The following CA1 variants were observed in gnomAD, a reference collection of about 807,000 sequenced individuals.
CA1 encodes the protein carbonic anhydrase 1.
Under a neutral mutation model 28.8 loss-of-function variants are expected in CA1, and 27 were observed. The observed-to-expected ratio is 0.94, with a 90% confidence interval of 0.69 to 1.29. The LOEUF is 1.29. Among genes scored for constraint, CA1 ranks in the 50% most tolerant of loss-of-function variants. CA1 has a pLI of 0.00. For synonymous variants in CA1, 121 were observed against 108.8 expected, an observed-to-expected ratio of 1.11 and a Z score of -0.70; for missense variants, 335 against 310.5, an observed-to-expected ratio of 1.08 and a Z score of -0.59.
intron 1 of CA1, among the ~76,000 whole-genome samples, chr8:85,344,173 GTATATAATATATAATTA>G (rs1228736462): frequency 6.5e-5 from 7 of 108,392 alleles, no homozygotes; most frequent in African/African-American, 2.9e-4. Context: ...ATTATATACT[GTATATAATATATAATTA>G]TATATTATAC....
At chr8:85,334,219 A>C (rs1353585789) in intron 4 of CA1, among the ~76,000 whole-genome samples, 1 of 152,230 alleles carries the variant, frequency 6.6e-6, no homozygotes, top group African/African-American at 2.4e-5. Context: ...ATAGAACTCT[A>C]GATTTCCTTC....
At chr8:85,337,185 A>C (rs1191489250) in intron 3 of CA1, 122 bp from the exon 4 acceptor site, 1 of 729,826 alleles carries the variant, frequency 1.4e-6, no homozygotes, top group African/African-American at 1.7e-5. Flanking sequence ...TTAGTGCCTA[A>C]ACTTTCATCT....
chr8:85,358,091 C>T (rs552131712), intron 1 of CA1, among the ~76,000 whole-genome samples: 1 of 152,232 alleles, frequency 6.6e-6, no homozygotes, highest in South Asian at 2.1e-4. Context: ...CAGCAAATCA[C>T]CCAAAATTGT....
intron 1 of CA1, chr8:85,343,176 T>C (rs1357954511): frequency 1.3e-5 from 2 of 152,130 alleles, no homozygotes; most frequent in Non-Finnish European, 2.9e-5. Flanking sequence ...GAGGATCTCT[T>C]GCACCTAGGA....
intron 1 of CA1, among the ~76,000 whole-genome samples, chr8:85,344,241 TAATTA>T (rs1809064576): frequency 1.0e-5 from 1 of 96,556 alleles, no homozygotes; most frequent in African/African-American, 6.6e-5. Flanking sequence ...ATATAATATA[TAATTA>T]TATATTATAT....
At chr8:85,344,215 TTATATTA>T (rs1352264596) in intron 1 of CA1, among the ~76,000 whole-genome samples, 1 of 64,006 alleles carries the variant, frequency 1.6e-5, no homozygotes, top group Non-Finnish European at 2.7e-5. Context: ...TATAATATAA[TTATATTA>T]TATACAGTAT....
At chr8:85,333,699 A>G (rs1808511003) in intron 4 of CA1, 79 bp from the exon 5 acceptor site, 16 of 903,216 alleles carry the variant, frequency 1.8e-5, no homozygotes, top group South Asian at 1.2e-4. Context: ...ACTTGTTACC[A>G]TATGATGATG....
chr8:85,376,691 AAATAAATAAATAAAT>A (rs1312560017), intron 1 of CA1, among the ~76,000 whole-genome samples: 1 of 150,766 alleles, frequency 6.6e-6, no homozygotes, highest in African/African-American at 2.4e-5. Context: ...ATAAATAAAT[AAATAAATAAATAAAT>A]AAAACTAGGT....
chr8:85,351,207 G>A (rs527859158), intron 1 of CA1, among the ~76,000 whole-genome samples: 5 of 152,226 alleles, frequency 3.3e-5, no homozygotes, highest in South Asian at 4.1e-4. Context: ...TTCCAAGGGA[G>A]CATTGACTGT....
intron 2 of CA1, 54 bp from the exon 3 acceptor site, chr8:85,338,503 G>T: frequency 7.4e-7 from 1 of 1,348,408 alleles, no homozygotes; most frequent in Non-Finnish European, 1.1e-6. Flanking sequence ...TTGATTCCAA[G>T]TTTTAGGAGT....
chr8:85,356,197 A>G (rs1809601011), intron 1 of CA1, among the ~76,000 whole-genome samples: 1 of 152,196 alleles, frequency 6.6e-6, no homozygotes, highest in Admixed American at 6.5e-5. Flanking sequence ...TGCCTTCTAC[A>G]CACAGCTTTT....
At chr8:85,341,968 G>A in intron 1 of CA1, 1 of 191,702 alleles carries the variant, frequency 5.2e-6, no homozygotes, top group Non-Finnish European at 1.1e-5. Context: ...ATTATAATAT[G>A]TAATTCTTTA....
intron 1 of CA1, among the ~76,000 whole-genome samples, chr8:85,348,520 G>A (rs571574955): frequency 3.3e-5 from 5 of 152,140 alleles, no homozygotes; most frequent in Non-Finnish European, 7.4e-5. Context: ...ATGATTTGCA[G>A]AACGACTCAT....
chr8:85,358,094 A>C (rs1564040674), intron 1 of CA1, among the ~76,000 whole-genome samples: 1 of 152,234 alleles, frequency 6.6e-6, no homozygotes, highest in Non-Finnish European at 1.5e-5. Context: ...CAAATCACCC[A>C]AAATTGTGGT....
intron 1 of CA1, among the ~76,000 whole-genome samples, chr8:85,368,646 A>G (rs1055238209): frequency 6.6e-6 from 1 of 152,054 alleles, no homozygotes; most frequent in African/African-American, 2.4e-5. Flanking sequence ...GAGTTTCCCT[A>G]TAATTGTTCA....
chr8:85,347,218 A>G (rs187588720), intron 1 of CA1, among the ~76,000 whole-genome samples: 8 of 152,326 alleles, frequency 5.3e-5, no homozygotes, highest in South Asian at 2.1e-4. Context: ...GTGGTTCCCA[A>G]TGTATGGTTT....
At chr8:85,370,982 T>C (rs1231802940) in intron 1 of CA1, among the ~76,000 whole-genome samples, 2 of 152,224 alleles carry the variant, frequency 1.3e-5, no homozygotes, top group African/African-American at 4.8e-5. Flanking sequence ...TTTGGTTGTC[T>C]GCATTTAACA....
At chr8:85,334,233 C>A (rs1808543145) in intron 4 of CA1, among the ~76,000 whole-genome samples, 1 of 152,188 alleles carries the variant, frequency 6.6e-6, no homozygotes, top group African/African-American at 2.4e-5. Flanking sequence ...TTCCTTCTTG[C>A]CAAACCTGCT....
Position 85,329,709 on chromosome 8 carries a change from T to C in CA1, c.649A>G (p.Ile217Val), listed in dbSNP as rs2130116354. Residue 217 changes from isoleucine (I) to valine (V), a missense_variant, in exon 7 of 8, where the codon ATC becomes GTC. Physicochemically the swap from Ile to Val is conservative, Grantham distance 29. Coordinates refer to ENST00000523022, the MANE Select transcript of CA1 (RefSeq NM_001128831.4). ...TCTACCTGCTCTGAGCTGACACTGA[T>C]GCTCTCCTTACAGATGATCCAAGTT... is the stretch of plus-strand genomic sequence containing the variant. ...SVTWIICKES[I>V]SVSSEQLAQF... The C allele has an allele frequency of 6.2e-7, 1 of 1,611,180 alleles. No homozygotes were observed. Among genetic ancestry groups the C allele is most frequent in the Admixed American group, 1.7e-5 (1 of 59,758 alleles).
Sources: gnomAD v4.1 joint callset for allele counts (sites outside exome capture counted in the v4.1 genomes callset) on GRCh38, gnomAD v4.1.1 for gene constraint, MANE v1.5 for transcripts, NCBI Gene and HGNC (gene_info 2026-07-23, HGNC 2026-07-21) for gene names.